Variants in VCPKMT observed in about 807,000 individuals in gnomAD.
VCPKMT encodes the protein protein N-lysine methyltransferase METTL21D.
A neutral mutation model predicts 28.6 loss-of-function variants in VCPKMT; 32 were observed. That is an observed-to-expected ratio of 1.12 (90% CI 0.84 to 1.50). VCPKMT has a LOEUF of 1.50. VCPKMT is among the 40% of genes most tolerant of loss of function. The pLI is 0.00. For synonymous variants in VCPKMT, 138 were observed against 111.4 expected, an observed-to-expected ratio of 1.24 and a Z score of -1.50; for missense variants, 366 against 285.0, an observed-to-expected ratio of 1.28 and a Z score of -2.05.
chr14:50,109,915 T>C (rs1388511007), intron 5 of VCPKMT, among the ~76,000 whole-genome samples: 1 of 152,146 alleles, frequency 6.6e-6, no homozygotes, highest in East Asian at 1.9e-4. Flanking sequence ...AACAGATGCA[T>C]TGGACATTAT....
At chr14:50,112,020 A>G (rs947480407) in intron 5 of VCPKMT, 23 of 985,178 alleles carry the variant, frequency 2.3e-5, no homozygotes, top group African/African-American at 8.7e-5. Context: ...GGGAAAATAC[A>G]TAAATTCTAC....
chr14:50,115,900 A>G lies in VCPKMT; in HGVS notation c.389T>C (p.Ile130Thr), dbSNP rs1883141437. 1 of 1,613,394 alleles carries G rather than the reference A, an allele frequency of 6.2e-7. No individual in the cohort carries two copies. The highest frequency in any genetic ancestry group is 8.5e-7 in the Non-Finnish European group (1 of 1,179,432). The change falls in exon 3 of 6, where the codon ATA (isoleucine) becomes ACA (threonine). Residue 130 changes from isoleucine (I) to threonine (T), a missense_variant. Coordinates refer to ENST00000395860, the MANE Select transcript of VCPKMT (RefSeq NM_024558.3). ...GTCGGGTGGAGAAGGAAAGCCTTCT[A>G]TTTCTTCCCCCCTTAAAAATGCCAA... ...QAKVLKWGEE[I>T]EGFPSPPDFI...
intron 5 of VCPKMT, among the ~76,000 whole-genome samples, chr14:50,112,239 GA>G (rs1222586491): frequency 1.3e-5 from 2 of 152,014 alleles, no homozygotes; most frequent in Non-Finnish European, 2.9e-5. Flanking sequence ...GGAGAAGCTG[GA>G]AAAGGCCTTT....
intron 3 of VCPKMT, 44 bp downstream of exon 3, chr14:50,115,795 G>T (rs45574738): frequency 0.023 from 36,549 of 1,560,932 alleles, 629 homozygotes; most frequent in Non-Finnish European, 0.025. Flanking sequence ...CATGGAATAA[G>T]GTTCATCTTC....
intron 4 of VCPKMT, 129 bp downstream of exon 4, chr14:50,114,156 A>G (rs750514731): frequency 1.7e-4 from 153 of 875,330 alleles, no homozygotes; most frequent in Admixed American, 5.9e-4. Context: ...GGCTGTGAAG[A>G]TCCTTTCCTC....
chr14:50,111,162 TAA>T (rs1882625190), intron 5 of VCPKMT: 7 of 953,770 alleles, frequency 7.3e-6, no homozygotes, highest in South Asian at 4.9e-5. Flanking sequence ...AACTAAAAAA[TAA>T]GAGTTTTTTT....
chr14:50,116,035 A>G, intron 2 of VCPKMT, 34 bp downstream of exon 2: 2 of 1,596,040 alleles, frequency 1.3e-6, no homozygotes, highest in Non-Finnish European at 1.7e-6. Flanking sequence ...ACTACAAATC[A>G]ATATCTTAAA....
chr14:50,114,557 T>G (rs1333574736), intron 3 of VCPKMT, among the ~76,000 whole-genome samples, 153 bp from the exon 4 acceptor site: 1 of 152,198 alleles, frequency 6.6e-6, no homozygotes, highest in Non-Finnish European at 1.5e-5. Flanking sequence ...AGCTCTAGGC[T>G]AGGTGCAGTG....
downstream of VCPKMT, among the ~76,000 whole-genome samples, chr14:50,107,659 C>G (rs1484394570): frequency 6.6e-6 from 1 of 151,996 alleles, no homozygotes; most frequent in African/African-American, 2.4e-5. Flanking sequence ...TCTCCAGAAG[C>G]AGAGAGGAAT....
chr14:50,115,701 T>G, intron 3 of VCPKMT, 138 bp downstream of exon 3: 1 of 962,934 alleles, frequency 1.0e-6, no homozygotes, highest in Non-Finnish European at 1.6e-6. Context: ...CTGGTGACTT[T>G]TATCTTCTCT....
chr14:50,109,644 T>C lies in VCPKMT; in HGVS notation c.*55A>G, dbSNP rs1882503290. 1.3e-6 allele frequency: 2 copies of C among 1,575,166 alleles called. No homozygotes were observed. Among genetic ancestry groups the C allele is most frequent in the Non-Finnish European group, 1.7e-6 (2 of 1,163,528 alleles). ...CCCATGCTGTATTCACATGCTCTATTCACATCTTTAGTTTACCCAGGTTGT... is the reference window on the plus strand; with the variant it reads ...CCCATGCTGTATTCACATGCTCTATCCACATCTTTAGTTTACCCAGGTTGT... On this transcript the variant is annotated 3_prime_UTR_variant, in exon 6 of 6. Coordinates refer to ENST00000395860, the MANE Select transcript of VCPKMT (RefSeq NM_024558.3).
At chr14:50,112,336 A>G (rs1224424259) in intron 5 of VCPKMT, among the ~76,000 whole-genome samples, 1 of 139,284 alleles carries the variant, frequency 7.2e-6, no homozygotes, top group South Asian at 2.5e-4. Flanking sequence ...ACTTGAGCCC[A>G]GGAGTTCGAC....
rs1882471590 is a variant in VCPKMT at position 50,109,172 on chromosome 14, A to G, written c.*527T>C. 1.1e-6 allele frequency: 1 copy of G among 898,550 alleles called. No individual in the cohort carries two copies. The highest frequency in any genetic ancestry group is 6.2e-5 in the Admixed American group (1 of 16,154). The allele number at this position is 898,550 out of a possible 1,614,324, so 55.7% of individuals were successfully genotyped here. ...CAGTTCTTTTTAAAATTAAAAGAAC[A>G]TTTCAGTATTAAAGATATTTTAAAA... On this transcript the variant is annotated 3_prime_UTR_variant, in exon 6 of 6. Transcript: ENST00000395860.
rs1566803830 is a variant in VCPKMT at position 50,109,678 on chromosome 14, T to C, written c.*21A>G. The C allele has an allele frequency of 6.3e-7, 1 of 1,599,220 alleles. No homozygotes were observed. On this transcript the variant is annotated 3_prime_UTR_variant, in exon 6 of 6. Coordinates refer to ENST00000395860, the MANE Select transcript of VCPKMT (RefSeq NM_024558.3). ...TAGTTTACCCAGGTTGTTAGAGCCT[T>C]GGGTAAGATGATTAAAGGCTTCACG...
At chr14:50,115,813 A>T in intron 3 of VCPKMT, 26 bp downstream of exon 3, 1 of 1,583,702 alleles carries the variant, frequency 6.3e-7, no homozygotes, top group Non-Finnish European at 8.6e-7. Context: ...TTCTAAGTGA[A>T]GAGACTTCGC....
Position 50,109,629 on chromosome 14 carries a change from A to G in VCPKMT, c.*70T>C. On this transcript the variant is annotated 3_prime_UTR_variant, in exon 6 of 6. Transcript: ENST00000395860. ...TGTGAACACAATCTTCCCATGCTGT[A>G]TTCACATGCTCTATTCACATCTTTA... The G allele has an allele frequency of 6.5e-7, 1 of 1,539,264 alleles. No homozygotes were observed. The highest frequency in any genetic ancestry group is 2.2e-5 in the Admixed American group (1 of 44,690).
In VCPKMT at chr14:50,116,410, A is replaced by G; in HGVS notation, c.143T>C (p.Val48Ala). ...GGGCGTTTCCAGGTATTTAGAAAGG[A>G]CAATGGCAGCGTCCCACACAACGCA... is the stretch of plus-strand genomic sequence containing the variant. ...VGCVVWDAAI[V>A]LSKYLETPEF... Residue 48 changes from valine (V) to alanine (A), a missense_variant, in exon 1 of 6, where the codon GTC becomes GCC. By Grantham distance (64) the Val-to-Ala change is moderately conservative (BLOSUM62 0). Transcript: ENST00000395860. The G allele has an allele frequency of 4.3e-6, 7 of 1,614,002 alleles. No homozygotes were observed. The highest frequency in any genetic ancestry group is 5.9e-6 in the Non-Finnish European group (7 of 1,179,940).
At chr14:50,106,728 GTTTT>G (rs1480040445), downstream of VCPKMT, 1 of 804,136 alleles carries the variant, frequency 1.2e-6, no homozygotes, top group Admixed American at 6.2e-5. Context: ...CTGCGGTTTT[GTTTT>G]TTTGAGATAG....
At chr14:50,111,826 C>G (rs1882681196) in intron 5 of VCPKMT, 1 of 846,230 alleles carries the variant, frequency 1.2e-6, no homozygotes, top group South Asian at 5.4e-5. Flanking sequence ...AAGGCAGAGG[C>G]TGCAGCAAGC....
Sources: gnomAD v4.1 joint callset for allele counts (sites outside exome capture counted in the v4.1 genomes callset) on GRCh38, gnomAD v4.1.1 for gene constraint, MANE v1.5 for transcripts, NCBI Gene and HGNC (gene_info 2026-07-23, HGNC 2026-07-21) for gene names.